The following INSL6 variants were observed in gnomAD, a reference collection of about 807,000 sequenced individuals.
The protein encoded by INSL6 is insulin-like peptide INSL6.
INSL6 carries 16 observed loss-of-function variants against 9.4 expected under a neutral mutation model. The ratio of observed to expected loss-of-function variants is 1.70; its 90% CI spans 1.15 to 2.59. INSL6 has a LOEUF of 2.59. INSL6 is among the 30% of genes most tolerant of loss of function. The pLI, the probability that INSL6 is intolerant of heterozygous loss-of-function variation, is 0.00. For synonymous variants in INSL6, 154 were observed against 96.9 expected, an observed-to-expected ratio of 1.59 and a Z score of -3.46; for missense variants, 391 against 257.3, an observed-to-expected ratio of 1.52 and a Z score of -3.56.
the INSL6 span, chr9:5,085,001 A>G: frequency 2.4e-6 from 2 of 849,510 alleles, no homozygotes; most frequent in Non-Finnish European, 3.8e-6. Context: ...GTTGTCATTT[A>G]TGTCTTGTGA....
rs768561453 is a variant in INSL6 at position 5,185,507 on chromosome 9, C to T, written c.96G>A (p.Leu32=). ...ELSDISSARK[L]CGRYLVKEIE... is the part of the protein sequence containing the mutation. ...TTTCTTTCACCAAGTACCTGCCGCA[C>T]AGCTTCCTGGCACTGCTGATGTCGC... Residue 32 remains leucine, a synonymous_variant, in exon 1 of 2, where the codon CTG becomes CTA. Coordinates refer to ENST00000381641, the MANE Select transcript of INSL6 (RefSeq NM_007179.3). The T allele has an allele frequency of 1.2e-6, 2 of 1,614,222 alleles. No homozygotes were observed. The highest frequency in any genetic ancestry group is 3.3e-5 in the Admixed American group (2 of 60,028).
chr9:5,111,772 G>T, the INSL6 span: 23 of 422,160 alleles, frequency 5.4e-5, no homozygotes, highest in African/African-American at 4.7e-4. Flanking sequence ...GTGGGCTTCC[G>T]GCTGCATCCA....
chr9:5,159,066 ATTACT>A (rs1410348131), downstream of INSL6, among the ~76,000 whole-genome samples: 1 of 152,200 alleles, frequency 6.6e-6, no homozygotes, highest in Non-Finnish European at 1.5e-5. Context: ...TTACATTGTC[ATTACT>A]TTAAAGTAAT....
the INSL6 span, among the ~76,000 whole-genome samples, chr9:5,042,426 C>T: frequency 6.6e-5 from 10 of 152,098 alleles, no homozygotes; most frequent in African/African-American, 1.9e-4. Flanking sequence ...CGTGAGCCAC[C>T]GCGCCCGGCC....
chr9:5,130,886 A>ATG (rs1564033012), intron 3 of INSL6, among the ~76,000 whole-genome samples: 1 of 148,452 alleles, frequency 6.7e-6, no homozygotes, highest in Non-Finnish European at 1.5e-5. Context: ...CTGCCACTAC[A>ATG]CCCGGCTAAT....
the INSL6 span, among the ~76,000 whole-genome samples, chr9:5,074,925 T>C: frequency 6.6e-6 from 1 of 152,130 alleles, no homozygotes; most frequent in Admixed American, 6.6e-5. Flanking sequence ...AAAGGAAAAG[T>C]CCTTGAAGGA....
the INSL6 span, among the ~76,000 whole-genome samples, chr9:5,071,449 C>G: frequency 6.6e-6 from 1 of 151,796 alleles, no homozygotes; most frequent in Non-Finnish European, 1.5e-5. Context: ...GGAGAAATAA[C>G]AAGACATTGT....
At chr9:5,085,068 GCTCT>G in the INSL6 span, 254 of 698,760 alleles carry the variant, frequency 3.6e-4, no homozygotes, top group African/African-American at 4.2e-3. Context: ...GAAGTTTACT[GCTCT>G]CTCTTATTGC....
chr9:5,026,491 G>A, the INSL6 span, among the ~76,000 whole-genome samples: 1 of 152,084 alleles, frequency 6.6e-6, no homozygotes. Flanking sequence ...TTTGTCATTT[G>A]TGCCGTTTCT....
At chr9:5,087,357 G>C in the INSL6 span, among the ~76,000 whole-genome samples, 1 of 152,154 alleles carries the variant, frequency 6.6e-6, no homozygotes, top group Non-Finnish European at 1.5e-5. Flanking sequence ...GAACAGCATG[G>C]AGGAAACCAC....
intron 2 of INSL6, among the ~76,000 whole-genome samples, chr9:5,137,098 C>T (rs1334411098): frequency 1.3e-5 from 2 of 152,132 alleles, no homozygotes; most frequent in Non-Finnish European, 2.9e-5. Context: ...CTACAAACCA[C>T]TGCTCAAGGA....
downstream of INSL6, among the ~76,000 whole-genome samples, chr9:5,123,854 G>C (rs1823795064): frequency 6.6e-6 from 1 of 150,608 alleles, no homozygotes; most frequent in Admixed American, 6.6e-5. Flanking sequence ...ATTCTGACTG[G>C]AGTCAGACAT....
chr9:5,066,820 C>G, the INSL6 span: 5 of 953,884 alleles, frequency 5.2e-6, no homozygotes, highest in Non-Finnish European at 7.6e-6. Flanking sequence ...AGTGGTAACA[C>G]TTTATTTAGT....
the INSL6 span, among the ~76,000 whole-genome samples, chr9:5,003,826 T>A: frequency 6.7e-6 from 1 of 150,340 alleles, no homozygotes. Flanking sequence ...TTAGGTATAT[T>A]GTTTTTTTAC....
downstream of INSL6, among the ~76,000 whole-genome samples, chr9:5,159,359 ATT>A (rs56260209): frequency 4.6e-4 from 69 of 149,574 alleles, no homozygotes; most frequent in African/African-American, 7.1e-4. Context: ...GTCAGAATGG[ATT>A]TTTTTTTTTT....
chr9:5,162,411 C>T (rs1429659444), downstream of INSL6, among the ~76,000 whole-genome samples: 1 of 151,994 alleles, frequency 6.6e-6, no homozygotes, highest in Non-Finnish European at 1.5e-5. Flanking sequence ...ATGCAAATAA[C>T]ACACTTGGTT....
intron 2 of INSL6, among the ~76,000 whole-genome samples, chr9:5,136,544 G>C (rs989948382): frequency 3.3e-5 from 5 of 152,178 alleles, no homozygotes; most frequent in Admixed American, 3.3e-4. Flanking sequence ...AATAGATGCA[G>C]AAAAGGCCTT....
chr9:5,161,729 T>C (rs1348669050), downstream of INSL6, among the ~76,000 whole-genome samples: 1 of 152,098 alleles, frequency 6.6e-6, no homozygotes, highest in Non-Finnish European at 1.5e-5. Flanking sequence ...CATAAACAAA[T>C]TCGGTAAAGT....
At chr9:5,019,448 C>G in the INSL6 span, among the ~76,000 whole-genome samples, 5 of 151,804 alleles carry the variant, frequency 3.3e-5, no homozygotes, top group Non-Finnish European at 5.9e-5. Flanking sequence ...TTTCTGGTTT[C>G]TTTGTATTGT....
Sources: gnomAD v4.1 joint callset for allele counts (sites outside exome capture counted in the v4.1 genomes callset) on GRCh38, gnomAD v4.1.1 for gene constraint, MANE v1.5 for transcripts, NCBI Gene and HGNC (gene_info 2026-07-23, HGNC 2026-07-21) for gene names.